Variants in GGA2 observed in about 807,000 individuals in gnomAD.
The protein encoded by GGA2 is golgi associated, gamma adaptin ear containing, ARF binding protein 2.
GGA2 carries 48 observed loss-of-function variants against 79.5 expected under a neutral mutation model. The observed-to-expected ratio is 0.60, with a 90% CI of 0.48 to 0.77. The LOEUF (loss-of-function observed/expected upper bound fraction) is 0.77. GGA2 is among the 30% of genes least tolerant of loss of function. The pLI is 0.00. For synonymous variants in GGA2, 317 were observed against 302.0 expected (o/e 1.05, Z -0.51); for missense variants, 770 against 774.0 (o/e 0.99, Z 0.06).
At chr16:23,508,421 C>T (rs1964999560) in intron 1 of GGA2, among the ~76,000 whole-genome samples, 1 of 152,122 alleles carries the variant, frequency 6.6e-6, no homozygotes, top group South Asian at 2.1e-4. Flanking sequence ...AAAACTACTA[C>T]CTTCTGTCTC....
intron 14 of GGA2, among the ~76,000 whole-genome samples, chr16:23,473,564 G>A (rs1420549378): frequency 1.3e-5 from 2 of 151,972 alleles, no homozygotes; most frequent in Admixed American, 6.6e-5. Flanking sequence ...CTGACCTCAA[G>A]TGATCTGCCC....
chr16:23,490,812 A>G (rs1964773374), intron 5 of GGA2, among the ~76,000 whole-genome samples: 1 of 152,136 alleles, frequency 6.6e-6, no homozygotes, highest in Non-Finnish European at 1.5e-5. Context: ...TAACTATAAA[A>G]TATTTTATGT....
chr16:23,473,939 G>T (rs944890450), intron 14 of GGA2, among the ~76,000 whole-genome samples: 3 of 152,104 alleles, frequency 2.0e-5, no homozygotes, highest in Non-Finnish European at 2.9e-5. Context: ...GGCTTTCAGG[G>T]CTCTCTGCAA....
rs1248683376 is a variant in GGA2, at chr16:23,495,694, C to T, written c.176G>A (p.Gly59Asp). The change falls in exon 2 of 17, where the codon GGC (glycine) becomes GAC (aspartate). Residue 59 changes from glycine to aspartate, a missense_variant and splice_region_variant. By Grantham distance (94) the Gly-to-Asp change is moderately conservative. Transcript: ENST00000309859. ...FCEQVNTDPN[G>D]PTHAPWLLAH... ...CTATGTGTGTGAGAAGTTACCTTAC[C>T]CATTGGGGTCAGTGTTCACCTGCTC... 6 of 1,564,870 alleles carry T rather than the reference C, an allele frequency of 3.8e-6. No individual in the cohort carries two copies. The highest frequency in any genetic ancestry group is 3.5e-6 in the Non-Finnish European group (4 of 1,135,508).
chr16:23,515,527 G>A (rs1382986880), intron 2 of GGA2, among the ~76,000 whole-genome samples: 1 of 146,748 alleles, frequency 6.8e-6, no homozygotes, highest in Non-Finnish European at 1.5e-5. Context: ...AACCCAGGAG[G>A]TGGAGGCTTC....
chr16:23,484,513 A>T (rs1435301997), intron 8 of GGA2, among the ~76,000 whole-genome samples: 1 of 152,212 alleles, frequency 6.6e-6, no homozygotes. Context: ...CTGATAAGGA[A>T]CCTGTATCCA....
chr16:23,490,473 G>A (rs569656944), intron 5 of GGA2, among the ~76,000 whole-genome samples: 65 of 152,270 alleles, frequency 4.3e-4, no homozygotes, highest in Non-Finnish European at 8.4e-4. Context: ...GGTGGCTCAC[G>A]CCTGTAATTC....
Position 23,464,961 on chromosome 16 carries a change from G to A in GGA2, c.*2629C>T, listed in dbSNP as rs1322514367. ...CTCTGGAAAACCATCACACTTAAGAGACAGAGGAAAAAGAGCAGTCACGGA... is the reference window on the plus strand; with the variant it reads ...CTCTGGAAAACCATCACACTTAAGAAACAGAGGAAAAAGAGCAGTCACGGA... On this transcript the variant is annotated 3_prime_UTR_variant, in exon 17 of 17. Transcript: ENST00000309859. The A allele has an allele frequency of 4.1e-6, 1 of 242,672 alleles. No individual in the cohort carries two copies. The allele number at this position is 242,672 out of a possible 1,614,324, so 15.0% of individuals were successfully genotyped here. A position where few individuals can be genotyped will look rare whatever the true frequency, so the allele number is the denominator to read the frequency against.
At chr16:23,508,408 C>T (rs532507376) in intron 1 of GGA2, among the ~76,000 whole-genome samples, 33 of 152,236 alleles carry the variant, frequency 2.2e-4, no homozygotes, top group Non-Finnish European at 3.7e-4. Flanking sequence ...TCCATTGCCT[C>T]CTAAAACTAC....
rs150117942 is a variant in GGA2, at chr16:23,479,828, T to C, written c.1066A>G (p.Asn356Asp). The change falls in exon 11 of 17, where the codon AAT (asparagine) becomes GAT (aspartate). Residue 356 changes from asparagine to aspartate, a missense_variant. Asn to Asp is a conservative substitution (Grantham distance 23, BLOSUM62 1). Transcript: ENST00000309859. ...TCPLIDLEVD[N>D]GPAQMGTVVP... ...ACAGTCCCCATCTGCGCAGGTCCAT[T>C]GTCCACCTCCAAGTCAATCAGGGGG... 3 of 1,614,146 alleles carry C rather than the reference T, an allele frequency of 1.9e-6. No homozygotes were observed. Among genetic ancestry groups the C allele is most frequent in the African/African-American group, 2.7e-5 (2 of 75,040 alleles).
At chr16:23,520,124 A>G (rs902051207) in intron 1 of GGA2, among the ~76,000 whole-genome samples, 7 of 152,016 alleles carry the variant, frequency 4.6e-5, no homozygotes, top group Admixed American at 4.6e-4. Flanking sequence ...CACATGGCAC[A>G]TGCCTGTAAT....
chr16:23,517,891 G>A (rs1855206909), intron 2 of GGA2, among the ~76,000 whole-genome samples: 1 of 151,888 alleles, frequency 6.6e-6, no homozygotes, highest in Admixed American at 6.6e-5. Context: ...GAGCCACCGC[G>A]CCTGGCCTAT....
rs1596977535 is a variant in GGA2, at chr16:23,475,047, T to TTTTTTTTTCCCTG, written c.1306_1307insCAGGGAAAAAAAA (p.Gln436ProfsTer17). 1 of 1,578,056 alleles carries TTTTTTTTTCCCTG rather than the reference T, an allele frequency of 6.3e-7. No individual in the cohort carries two copies. Among genetic ancestry groups the TTTTTTTTTCCCTG allele is most frequent in the Non-Finnish European group, 8.6e-7 (1 of 1,167,208 alleles). On this transcript the variant is annotated frameshift_variant, in exon 14 of 17. Transcript: ENST00000309859. LOFTEE classifies it high-confidence loss of function. ...TGGCACTTCCTTGGGGACACTTTTC[T>TTTTTTTTTCCCTG]GCGAAACATAATTCCTACAAAGAAA... is the stretch of plus-strand genomic sequence containing the variant.
chr16:23,473,330 CTTTT>C (rs34972165), intron 14 of GGA2, among the ~76,000 whole-genome samples: 12 of 70,672 alleles, frequency 1.7e-4, no homozygotes, highest in Admixed American at 2.6e-4. Flanking sequence ...CTTTTCTAGT[CTTTT>C]TTTTTTTTTT....
In GGA2 at chr16:23,491,888, G is replaced by C. The variant is rs1459525648; in HGVS notation, c.352-88C>G. 9.1e-6 allele frequency: 8 copies of C among 883,944 alleles called. No homozygotes were observed. In the East Asian group the frequency reaches 1.8e-4, roughly 20 times the overall value. 54.8% of individuals were successfully genotyped at this position (883,944 alleles called of 1,614,324 possible). A position where few individuals can be genotyped will look rare whatever the true frequency, so the allele number is the denominator to read the frequency against. ...CTAAAGAGGTAGCTGCTGAGGCCCA[G>C]AGACACAAGCTCCCAGGCGCGGTAT... On this transcript the variant is annotated intron_variant, in intron 4 of 16. Coordinates refer to ENST00000309859, the MANE Select transcript of GGA2 (RefSeq NM_015044.4).
chr16:23,469,238 G>A (rs954594365), intron 15 of GGA2: 10 of 399,188 alleles, frequency 2.5e-5, no homozygotes, highest in African/African-American at 1.4e-4. Flanking sequence ...GTCAATAACC[G>A]GCATCTGAGA....
At chr16:23,491,623 A>G in intron 5 of GGA2, 54 bp downstream of exon 5, 1 of 1,571,310 alleles carries the variant, frequency 6.4e-7, no homozygotes, top group Non-Finnish European at 8.7e-7. Flanking sequence ...ATGAAAAAGC[A>G]AGAAGATACA....
At chr16:23,496,400 A>G (rs533723010) in intron 1 of GGA2, among the ~76,000 whole-genome samples, 94 of 151,214 alleles carry the variant, frequency 6.2e-4, no homozygotes, top group African/African-American at 2.2e-3. Flanking sequence ...TTGGCTTCAC[A>G]CTCGAGTTGG....
At chr16:23,520,655 CT>C (rs1327777594) in intron 1 of GGA2, among the ~76,000 whole-genome samples, 46 of 145,662 alleles carry the variant, frequency 3.2e-4, no homozygotes, top group African/African-American at 1.1e-3. Context: ...GCAACATCCT[CT>C]TAAAAAAAAA....
Sources: allele counts gnomAD v4.1 joint callset (sites outside exome capture counted in the v4.1 genomes callset), GRCh38; gene constraint gnomAD v4.1.1; transcripts MANE v1.5; gene names NCBI Gene and HGNC (gene_info 2026-07-23, HGNC 2026-07-21).